The following KCNH5 variants were observed in gnomAD, a reference collection of about 807,000 sequenced individuals.
The protein encoded by KCNH5 is potassium voltage-gated channel subfamily H member 5.
A neutral mutation model predicts 96.1 loss-of-function variants in KCNH5; 46 were observed. The ratio of observed to expected loss-of-function variants is 0.48; its 90% CI spans 0.38 to 0.61. The LOEUF is 0.61. KCNH5 is among the 20% of genes least tolerant of loss of function. KCNH5 has a pLI of 0.00. For missense variants in KCNH5, 907 were observed against 1,225.8 expected (o/e 0.74, Z 3.88); for synonymous variants, 439 against 449.8 (o/e 0.98, Z 0.30).
intron 8 of KCNH5, among the ~76,000 whole-genome samples, chr14:62,809,197 TCTAA>T (rs1014107344): frequency 3.9e-5 from 6 of 152,178 alleles, no homozygotes; most frequent in African/African-American, 1.2e-4. Context: ...TTTGTTTCTC[TCTAA>T]CTGATTTCTC....
At chr14:62,898,813 T>G (rs2140091273) in intron 7 of KCNH5, among the ~76,000 whole-genome samples, 1 of 152,294 alleles carries the variant, frequency 6.6e-6, no homozygotes, top group South Asian at 2.1e-4. Context: ...TATTGCTACA[T>G]AATAGAAATT....
At chr14:62,947,714 G>GACACACACACAC (rs373941818) in intron 7 of KCNH5, among the ~76,000 whole-genome samples, 1,809 of 149,594 alleles carry the variant, frequency 0.012, 42 homozygotes, top group African/African-American at 0.042. Context: ...GGACAGCTTA[G>GACACACACACAC]ACACACACAC....
intron 2 of KCNH5, among the ~76,000 whole-genome samples, chr14:63,010,744 C>T (rs1891209170): frequency 6.6e-6 from 1 of 152,094 alleles, no homozygotes; most frequent in Non-Finnish European, 1.5e-5. Context: ...TTCTTGGATC[C>T]CTTGCTCTGC....
At chr14:62,806,850 C>T (rs1381871940) in intron 8 of KCNH5, among the ~76,000 whole-genome samples, 4 of 152,122 alleles carry the variant, frequency 2.6e-5, no homozygotes, top group Non-Finnish European at 5.9e-5. Context: ...AACTGCTATT[C>T]TCTTTGGATT....
chr14:62,896,305 C>T (rs1385286808), intron 7 of KCNH5, among the ~76,000 whole-genome samples: 1 of 152,200 alleles, frequency 6.6e-6, no homozygotes, highest in Non-Finnish European at 1.5e-5. Context: ...TATGTTAACA[C>T]AGTGAAACAG....
intron 7 of KCNH5, among the ~76,000 whole-genome samples, chr14:62,899,814 A>G (rs911889311): frequency 7.2e-6 from 1 of 138,522 alleles, no homozygotes; most frequent in Non-Finnish European, 1.5e-5. Flanking sequence ...AGCCTGGGCG[A>G]CAGAGCGAGA....
intron 10 of KCNH5, among the ~76,000 whole-genome samples, chr14:62,747,196 G>A (rs1227223535): frequency 1.2e-4 from 19 of 152,284 alleles, no homozygotes; most frequent in Admixed American, 1.0e-3. Context: ...TCAGCTGGGC[G>A]TGGTGGTGCC....
intron 9 of KCNH5, among the ~76,000 whole-genome samples, chr14:62,786,186 G>C (rs902519810): frequency 6.6e-6 from 1 of 152,140 alleles, no homozygotes; most frequent in East Asian, 1.9e-4. Flanking sequence ...GCAAGACTCA[G>C]TCTCAGAAAA....
intron 10 of KCNH5, among the ~76,000 whole-genome samples, chr14:62,739,749 G>C (rs902271137): frequency 2.6e-5 from 4 of 152,222 alleles, no homozygotes; most frequent in Non-Finnish European, 5.9e-5. Context: ...TATGTTCCCA[G>C]AGCTATGGCA....
chr14:62,866,811 T>A (rs1369393083), intron 7 of KCNH5, among the ~76,000 whole-genome samples: 4 of 152,154 alleles, frequency 2.6e-5, no homozygotes, highest in Admixed American at 2.6e-4. Context: ...TCACTTCTCC[T>A]CATCCACATT....
At chr14:62,748,480 A>C (rs1330280911) in intron 10 of KCNH5, among the ~76,000 whole-genome samples, 1 of 152,156 alleles carries the variant, frequency 6.6e-6, no homozygotes, top group Non-Finnish European at 1.5e-5. Context: ...CTGAAGATGC[A>C]GCCCAGCAAG....
At chr14:62,827,137 G>T (rs1246764259) in intron 8 of KCNH5, among the ~76,000 whole-genome samples, 1 of 152,020 alleles carries the variant, frequency 6.6e-6, no homozygotes, top group African/African-American at 2.4e-5. Context: ...TGTATAAAAG[G>T]AACAAAAATG....
At chr14:62,993,908 C>T (rs764438510) in intron 4 of KCNH5, among the ~76,000 whole-genome samples, 3 of 152,034 alleles carry the variant, frequency 2.0e-5, no homozygotes, top group Non-Finnish European at 4.4e-5. Context: ...GAGCCTAATA[C>T]TTGCTCTGTA....
At chr14:63,044,984 G>T in intron 1 of KCNH5, 130 bp downstream of exon 1, 2 of 743,262 alleles carry the variant, frequency 2.7e-6, no homozygotes, top group Non-Finnish European at 4.6e-6. Flanking sequence ...AGCCCAACTG[G>T]TAAATGAAAC....
chr14:63,030,524 C>T (rs1362586457), intron 1 of KCNH5, among the ~76,000 whole-genome samples: 1 of 152,134 alleles, frequency 6.6e-6, no homozygotes, highest in African/African-American at 2.4e-5. Flanking sequence ...AGATTATTAC[C>T]AGTGTTTCTC....
intron 8 of KCNH5, among the ~76,000 whole-genome samples, chr14:62,811,252 C>A (rs1886867928): frequency 1.3e-5 from 2 of 152,130 alleles, no homozygotes; most frequent in African/African-American, 4.8e-5. Context: ...CATGTCATCT[C>A]TGTTTTCTTA....
intron 7 of KCNH5, among the ~76,000 whole-genome samples, chr14:62,905,000 T>C (rs1595678291): frequency 6.6e-6 from 1 of 152,366 alleles, no homozygotes; most frequent in Non-Finnish European, 1.5e-5. Context: ...ATGGTTCTAG[T>C]TGCATTTTTG....
chr14:62,782,243 G>A (rs1315514259), intron 9 of KCNH5, among the ~76,000 whole-genome samples: 1 of 152,152 alleles, frequency 6.6e-6, no homozygotes, highest in Non-Finnish European at 1.5e-5. Flanking sequence ...TGCTCACTTA[G>A]GTAGTTGGGA....
chr14:62,981,279 A>C lies in KCNH5; in HGVS notation c.550-15T>G, dbSNP rs1479689389. On this transcript the variant is annotated splice_polypyrimidine_tract_variant and intron_variant, in intron 5 of 10. Transcript: ENST00000322893. ...AGCTGAAGAACCTAAAAGAGAGAAAATGTATTTATACATGACTAGGTTATC... is the reference window on the plus strand; with the variant it reads ...AGCTGAAGAACCTAAAAGAGAGAAACTGTATTTATACATGACTAGGTTATC... The C allele has an allele frequency of 1.9e-6, 3 of 1,612,378 alleles. No homozygotes were observed. Among genetic ancestry groups the C allele is most frequent in the Non-Finnish European group, 2.5e-6 (3 of 1,179,156 alleles).
Sources: allele counts gnomAD v4.1 joint callset (sites outside exome capture counted in the v4.1 genomes callset), GRCh38; gene constraint gnomAD v4.1.1; transcripts MANE v1.5; gene names NCBI Gene and HGNC (gene_info 2026-07-23, HGNC 2026-07-21).